The following SYT1 variants were observed in gnomAD, a reference collection of about 807,000 sequenced individuals.
SYT1 encodes the protein synaptotagmin-1.
In SYT1, 8 loss-of-function variants were observed where a neutral mutation model predicts 44.8. The ratio of observed to expected loss-of-function variants is 0.18; its 90% CI spans 0.10 to 0.32. The LOEUF (loss-of-function observed/expected upper bound fraction) is 0.32. SYT1 is among the 10% of genes least tolerant of loss of function. The pLI is 1.00. For missense variants in SYT1, 286 were observed against 509.3 expected, an observed-to-expected ratio of 0.56 and a Z score of 4.22; for synonymous variants, 154 against 188.8, an observed-to-expected ratio of 0.82 and a Z score of 1.51.
At chr12:79,298,929 G>T (rs185337622) in intron 7 of SYT1, among the ~76,000 whole-genome samples, 2 of 152,136 alleles carry the variant, frequency 1.3e-5, no homozygotes, top group African/African-American at 4.8e-5. Flanking sequence ...ATTGAACTGT[G>T]GCATTTAAAT....
At chr12:78,943,184 T>C (rs11614249) in intron 1 of SYT1, among the ~76,000 whole-genome samples, 8,987 of 152,254 alleles carry the variant, frequency 0.059, 284 homozygotes, top group Admixed American at 0.089. Context: ...CATCTGTGGT[T>C]GGAATTTCTC....
At chr12:79,000,370 T>C (rs1870659972) in intron 2 of SYT1, among the ~76,000 whole-genome samples, 2 of 146,956 alleles carry the variant, frequency 1.4e-5, no homozygotes. Flanking sequence ...CTCAGCTCAA[T>C]GCAACCTCCG....
chr12:78,954,160 A>C (rs142031915), intron 1 of SYT1, among the ~76,000 whole-genome samples: 1 of 152,210 alleles, frequency 6.6e-6, no homozygotes, highest in African/African-American at 2.4e-5. Flanking sequence ...GAAATGTGTA[A>C]TTAAACATTT....
rs987774205 is a variant in SYT1 at position 79,218,022 on chromosome 12, A to G, written c.166+337A>G. On this transcript the variant is annotated intron_variant, in intron 4 of 10. Coordinates refer to ENST00000261205, the MANE Select transcript of SYT1 (RefSeq NM_005639.3). ...TATTTATTTTGGATTTGCATTTATG[A>G]AATTATTTCATTGCAAAGATTGTTT... 6.0e-4 allele frequency among the ~76,000 whole-genome samples: 91 copies of G among 152,124 alleles called. 1 individual carries two copies. The highest frequency in any genetic ancestry group is 2.1e-3 in the African/African-American group (87 of 41,438).
At chr12:79,403,884 A>C (rs895919850) in intron 9 of SYT1, among the ~76,000 whole-genome samples, 1 of 152,194 alleles carries the variant, frequency 6.6e-6, no homozygotes, top group Non-Finnish European at 1.5e-5. Flanking sequence ...TGAAGGCTAA[A>C]GTTTGAAAAC....
chr12:78,875,272 T>G (rs1874006270), intron 1 of SYT1, among the ~76,000 whole-genome samples: 1 of 151,656 alleles, frequency 6.6e-6, no homozygotes, highest in Non-Finnish European at 1.5e-5. Context: ...AGGCACCATT[T>G]GGATGCTGGG....
intron 2 of SYT1, among the ~76,000 whole-genome samples, chr12:78,981,125 G>GTTTTTTTTTTTT (rs1171068435): frequency 1.2e-4 from 15 of 122,686 alleles, no homozygotes; most frequent in Non-Finnish European, 2.4e-4. Context: ...TTGTTTCTTT[G>GTTTTTTTTTTTT]TTTTTTTTTT....
At chr12:79,157,095 GATCCTGGGTCTGGGTCACCC>G (rs1206314837) in intron 3 of SYT1, among the ~76,000 whole-genome samples, 4 of 152,152 alleles carry the variant, frequency 2.6e-5, no homozygotes, top group African/African-American at 9.7e-5. Flanking sequence ...TGCCTAGACT[GATCCTGGGTCTGGGTCACCC>G]ATCCCTGCTC....
chr12:79,029,778 C>T (rs192100395), intron 2 of SYT1, among the ~76,000 whole-genome samples: 2 of 151,168 alleles, frequency 1.3e-5, no homozygotes, highest in Admixed American at 1.3e-4. Flanking sequence ...TTATAATCAA[C>T]TGTATTATAA....
intron 9 of SYT1, among the ~76,000 whole-genome samples, chr12:79,375,326 G>T (rs1250318726): frequency 6.6e-6 from 1 of 152,068 alleles, no homozygotes; most frequent in Admixed American, 6.5e-5. Context: ...CAGGGCAAAG[G>T]GATAGGCCAA....
At chr12:79,418,491 C>G (rs17294719) in intron 9 of SYT1, among the ~76,000 whole-genome samples, 1 of 152,116 alleles carries the variant, frequency 6.6e-6, no homozygotes, top group East Asian at 1.9e-4. Flanking sequence ...TTGAAGAGCC[C>G]GAACCTGTTA....
At chr12:79,343,944 T>C (rs1177469881) in intron 8 of SYT1, among the ~76,000 whole-genome samples, 1 of 152,192 alleles carries the variant, frequency 6.6e-6, no homozygotes, top group African/African-American at 2.4e-5. Flanking sequence ...CATGTGCAAA[T>C]TTCCACAAAC....
intron 1 of SYT1, among the ~76,000 whole-genome samples, chr12:78,973,937 AAATATATATATATATATATATAT>A (rs1296450831): frequency 0.024 from 568 of 23,244 alleles, 27 homozygotes; most frequent in Non-Finnish European, 0.026. Flanking sequence ...AAAAAAAAAA[AAATATATATATATATATATATAT>A]ATATATATAT....
intron 2 of SYT1, among the ~76,000 whole-genome samples, chr12:79,033,016 C>G (rs940518650): frequency 2.0e-5 from 3 of 151,378 alleles, no homozygotes; most frequent in South Asian, 2.1e-4. Context: ...TAATCTGCCT[C>G]GAGTTGTACC....
At chr12:78,890,963 G>A (rs565251244) in intron 1 of SYT1, among the ~76,000 whole-genome samples, 2 of 151,880 alleles carry the variant, frequency 1.3e-5, no homozygotes, top group Admixed American at 6.6e-5. Context: ...CCAGATTTTA[G>A]GTACATAGCT....
At chr12:79,447,527 A>G (rs188334462) in intron 10 of SYT1, among the ~76,000 whole-genome samples, 92 of 152,310 alleles carry the variant, frequency 6.0e-4, no homozygotes, top group African/African-American at 2.0e-3. Context: ...GCTACTAATC[A>G]ATGCATTCCT....
intron 1 of SYT1, among the ~76,000 whole-genome samples, chr12:78,916,564 C>T (rs904714830): frequency 2.6e-5 from 4 of 151,748 alleles, no homozygotes; most frequent in African/African-American, 9.7e-5. Flanking sequence ...TTGATCTGTT[C>T]GCTTGAACCA....
intron 2 of SYT1, among the ~76,000 whole-genome samples, chr12:78,996,289 T>A (rs1223289238): frequency 6.6e-6 from 1 of 152,182 alleles, no homozygotes; most frequent in Middle Eastern, 3.2e-3. Flanking sequence ...CTTGATCACA[T>A]CTATTGCCAT....
At chr12:78,878,578 ATAGT>A (rs1377651269) in intron 1 of SYT1, among the ~76,000 whole-genome samples, 1 of 151,772 alleles carries the variant, frequency 6.6e-6, no homozygotes, top group African/African-American at 2.4e-5. Context: ...CTACTCAAAA[ATAGT>A]TAAAGTACAC....
Sources: gnomAD v4.1 joint callset for allele counts (sites outside exome capture counted in the v4.1 genomes callset) on GRCh38, gnomAD v4.1.1 for gene constraint, MANE v1.5 for transcripts, NCBI Gene and HGNC (gene_info 2026-07-23, HGNC 2026-07-21) for gene names.